CMIP: variants seen among roughly 807,000 people sequenced by gnomAD.
CMIP encodes the protein C-Maf-inducing protein.
Under a neutral mutation model 97.3 loss-of-function variants are expected in CMIP, and 13 were observed. The observed-to-expected ratio is 0.13, with a 90% CI of 0.09 to 0.21. CMIP has a LOEUF of 0.21. Among genes scored for constraint, CMIP ranks in the 10% least tolerant of loss-of-function variants. The probability of loss-of-function intolerance (pLI) is 1.00; values close to 1 mark genes in which losing one functional copy is unlikely to be tolerated. For missense variants in CMIP, 847 were observed against 1,024.9 expected (o/e 0.83, Z 2.37); for synonymous variants, 538 against 436.3 (o/e 1.23, Z -2.91).
chr16:81,667,018 G>A (rs1486134825), intron 7 of CMIP: 4 of 151,558 alleles, frequency 2.6e-5, no homozygotes, highest in African/African-American at 7.3e-5. Flanking sequence ...GCCTGCCTAA[G>A]CCATGAGCCT....
chr16:81,487,641 T>A (rs1448546121), intron 1 of CMIP, among the ~76,000 whole-genome samples: 2 of 152,208 alleles, frequency 1.3e-5, no homozygotes, highest in Non-Finnish European at 2.9e-5. Flanking sequence ...CCTAGCTCTG[T>A]GACACTGGGC....
At chr16:81,481,621 G>C (rs1250937352) in intron 1 of CMIP, among the ~76,000 whole-genome samples, 1 of 152,188 alleles carries the variant, frequency 6.6e-6, no homozygotes, top group African/African-American at 2.4e-5. Context: ...GTTTCCTGTG[G>C]CTGCTATGAC....
intron 1 of CMIP, among the ~76,000 whole-genome samples, chr16:81,570,368 G>A (rs1314998810): frequency 6.6e-6 from 1 of 152,168 alleles, no homozygotes; most frequent in Non-Finnish European, 1.5e-5. Flanking sequence ...GGCCAGTGCT[G>A]TGCGGGGGAA....
intron 20 of CMIP, 41 bp from the exon 21 acceptor site, chr16:81,709,704 GA>G (rs754559871): frequency 6.2e-7 from 1 of 1,611,098 alleles, no homozygotes; most frequent in East Asian, 2.2e-5. Context: ...TTCTGCAAGG[GA>G]ATGGCCTACA....
chr16:81,669,034 C>A (rs1416860977), intron 7 of CMIP, among the ~76,000 whole-genome samples: 1 of 148,126 alleles, frequency 6.8e-6, no homozygotes, highest in Non-Finnish European at 1.5e-5. Context: ...CCTTCCACAC[C>A]CACCACACTC....
chr16:81,653,955 T>G lies in CMIP; in HGVS notation c.639+1591T>G, dbSNP rs148643776. Among the ~76,000 whole-genome samples the G allele has an allele frequency of 4.8e-3, 730 of 152,234 alleles. 6 individuals are homozygous for G. Among genetic ancestry groups the G allele is most frequent in the African/African-American group, 0.017 (692 of 41,530 alleles). On this transcript the variant is annotated intron_variant, in intron 4 of 20. Coordinates refer to ENST00000537098, the MANE Select transcript of CMIP (RefSeq NM_198390.3). ...GTCTTCACTTCACAGATGAGGAAAT[T>G]GAGGCCCAGTGATACTGAGTGACCT...
intron 13 of CMIP, 27 bp from the exon 14 acceptor site, chr16:81,696,533 A>G: frequency 6.3e-7 from 1 of 1,595,564 alleles, no homozygotes; most frequent in Non-Finnish European, 8.5e-7. Context: ...CATGCAGCTC[A>G]CACTTGTGTC....
chr16:81,696,600 G>A lies in CMIP; in HGVS notation c.1571G>A (p.Gly524Asp), dbSNP rs1906745506. Residue 524 changes from glycine (G) to aspartate (D), a missense_variant, in exon 14 of 21, where the codon GGC becomes GAC. Gly to Asp is a moderately conservative substitution (Grantham distance 94). This residue lies in a region of CMIP where 266 missense variants were observed against 384.2 expected (regional missense o/e 0.69). Coordinates refer to ENST00000537098, the MANE Select transcript of CMIP (RefSeq NM_198390.3). ...CTGAGCGTGCGGGCCGGCAAAGATG[G>A]CTGGTTCCAGCTCTACAGCCCCGGA... ...CLLSVRAGKD[G>D]WFQLYSPGGV... 2 of 1,606,812 alleles carry A rather than the reference G, an allele frequency of 1.2e-6. No individual in the cohort carries two copies.
intron 1 of CMIP, among the ~76,000 whole-genome samples, chr16:81,555,704 C>G (rs559894003): frequency 1.3e-5 from 2 of 152,308 alleles, no homozygotes; most frequent in South Asian, 4.2e-4. Flanking sequence ...ACTGTGCTCC[C>G]CAAAGCTAAA....
At chr16:81,472,725 G>A (rs1467597747) in intron 1 of CMIP, among the ~76,000 whole-genome samples, 15 of 152,228 alleles carry the variant, frequency 9.9e-5, no homozygotes, top group Admixed American at 9.8e-4. Context: ...GTGGCCTGGA[G>A]GCAGGAGCTG....
chr16:81,573,927 C>T (rs898015218), intron 1 of CMIP, among the ~76,000 whole-genome samples: 1 of 152,130 alleles, frequency 6.6e-6, no homozygotes, highest in Non-Finnish European at 1.5e-5. Context: ...CTTCGTTTCA[C>T]CTACCCTCCA....
chr16:81,470,571 G>T (rs376645157), intron 1 of CMIP, among the ~76,000 whole-genome samples: 1 of 152,226 alleles, frequency 6.6e-6, no homozygotes, highest in Non-Finnish European at 1.5e-5. Flanking sequence ...CCACCACGAA[G>T]GTGGAGTCTT....
intron 1 of CMIP, among the ~76,000 whole-genome samples, chr16:81,516,714 A>T (rs960838942): frequency 3.9e-5 from 6 of 152,208 alleles, no homozygotes; most frequent in Non-Finnish European, 2.9e-5. Context: ...GGGGGCTGGG[A>T]CCAGGGCTGG....
Position 81,494,503 on chromosome 16 carries a change from C to T in CMIP, c.300+48962C>T, listed in dbSNP as rs531062964. ...AGGGACGGCCAGACAGCTCCCCTTC[C>T]ACCTTGGGGTGTAAGCGGAACAGGA... On this transcript the variant is annotated intron_variant, in intron 1 of 20. Coordinates refer to ENST00000537098, the MANE Select transcript of CMIP (RefSeq NM_198390.3). 2.6e-5 allele frequency among the ~76,000 whole-genome samples: 4 copies of T among 152,318 alleles called. No individual in the cohort carries two copies. In the South Asian group the frequency reaches 6.2e-4, roughly 24 times the overall value.
chr16:81,567,457 A>G (rs2091002726), intron 1 of CMIP, among the ~76,000 whole-genome samples: 1 of 152,230 alleles, frequency 6.6e-6, no homozygotes, highest in Admixed American at 6.5e-5. Flanking sequence ...GGCCTCAGGA[A>G]AACAGTGTGG....
At chr16:81,698,282 CCCCCAGCCCCGGTGACCGGGGA>C (rs1355381604) in intron 14 of CMIP, among the ~76,000 whole-genome samples, 21 of 152,198 alleles carry the variant, frequency 1.4e-4, no homozygotes, top group Non-Finnish European at 2.9e-5. Context: ...TCGAGGCCTC[CCCCCAGCCCCGGTGACCGGGGA>C]CCCCTGCCCT....
chr16:81,670,039 C>A, intron 7 of CMIP, 103 bp from the exon 8 acceptor site: 1 of 1,106,602 alleles, frequency 9.0e-7, no homozygotes, highest in South Asian at 1.5e-5. Flanking sequence ...ATCAACAGCT[C>A]CAGGCAGAGC....
intron 9 of CMIP, among the ~76,000 whole-genome samples, chr16:81,673,988 C>A (rs1005964441): frequency 6.6e-6 from 1 of 152,172 alleles, no homozygotes; most frequent in Non-Finnish European, 1.5e-5. Context: ...GGGGATTTCT[C>A]AAACAAATGC....
At chr16:81,449,677 C>T (rs574734197) in intron 1 of CMIP, among the ~76,000 whole-genome samples, 5 of 151,832 alleles carry the variant, frequency 3.3e-5, no homozygotes, top group East Asian at 3.9e-4. Flanking sequence ...TTTCCCCCCC[C>T]CCCTTTCCAT....
Sources: gnomAD v4.1 joint callset for allele counts (sites outside exome capture counted in the v4.1 genomes callset) on GRCh38, gnomAD v4.1.1 for gene constraint, gnomAD v4.1.1 regional missense constraint, MANE v1.5 for transcripts, NCBI Gene and HGNC (gene_info 2026-07-23, HGNC 2026-07-21) for gene names.